Variants in CCNB3 observed in about 807,000 individuals in gnomAD.
CCNB3 encodes cyclin B3.
Under a neutral mutation model 68.0 loss-of-function variants are expected in CCNB3, and 12 were observed. The ratio of observed to expected loss-of-function variants is 0.18; its 90% CI spans 0.11 to 0.29. The LOEUF is 0.29. CCNB3 is among the 10% of genes least tolerant of loss of function. The pLI, the probability that CCNB3 is intolerant of heterozygous loss-of-function variation, is 1.00. For missense variants in CCNB3, 904 were observed against 993.1 expected, an observed-to-expected ratio of 0.91 and a Z score of 1.21; for synonymous variants, 354 against 388.9, an observed-to-expected ratio of 0.91 and a Z score of 1.06.
intron 1 of CCNB3, among the ~76,000 whole-genome samples, chrX:50,225,898 C>A (rs1033263110): frequency 2.0e-5 from 2 of 101,660 alleles, no homozygotes; most frequent in South Asian, 8.8e-4. Flanking sequence ...AGTTTAGGGC[C>A]AGCTTTTAGA....
At chrX:50,228,931 A>G (rs1336493978) in intron 1 of CCNB3, among the ~76,000 whole-genome samples, 24 of 55,361 alleles carry the variant, frequency 4.3e-4, no homozygotes, top group African/African-American at 1.7e-3. Context: ...AAATACATAT[A>G]AATATATGTA....
At chrX:50,279,612 A>G (rs2147010087) in intron 1 of CCNB3, among the ~76,000 whole-genome samples, 2 of 75,007 alleles carry the variant, frequency 2.7e-5, no homozygotes, top group Non-Finnish European at 5.5e-5. Flanking sequence ...GTATATGCAT[A>G]TGTACATTCA....
intron 1 of CCNB3, among the ~76,000 whole-genome samples, chrX:50,283,695 A>T (rs1028826046): frequency 4.5e-5 from 5 of 110,310 alleles, no homozygotes; most frequent in Admixed American, 9.8e-5. Context: ...CAACTAGGAC[A>T]TCCCTGAATT....
At chrX:50,226,111 AAT>A (rs1382972453) in intron 1 of CCNB3, among the ~76,000 whole-genome samples, 21 of 80,015 alleles carry the variant, frequency 2.6e-4, no homozygotes, top group African/African-American at 5.7e-4. Flanking sequence ...AATATGTATA[AAT>A]ATATATATAT....
At chrX:50,292,036 G>A (rs1298713338) in intron 4 of CCNB3, among the ~76,000 whole-genome samples, 1 of 111,411 alleles carries the variant, frequency 9.0e-6, no homozygotes, top group Non-Finnish European at 1.9e-5. Flanking sequence ...TTTGTCCCAC[G>A]TGCTTTCTCA....
intron 1 of CCNB3, among the ~76,000 whole-genome samples, chrX:50,222,151 A>G (rs1327205939): frequency 1.8e-5 from 2 of 110,947 alleles, no homozygotes; most frequent in Non-Finnish European, 3.8e-5. Flanking sequence ...TTTTGAGCCT[A>G]TGTGTGTCTC....
intron 1 of CCNB3, among the ~76,000 whole-genome samples, chrX:50,226,482 T>C (rs1362596192): frequency 1.3e-5 from 1 of 79,178 alleles, no homozygotes; most frequent in East Asian, 3.7e-4. Context: ...TATATAAATA[T>C]ATATAGAATA....
intron 5 of CCNB3, among the ~76,000 whole-genome samples, chrX:50,302,087 G>A (rs1936653802): frequency 8.9e-6 from 1 of 112,654 alleles, no homozygotes; most frequent in Admixed American, 9.3e-5. Context: ...CTTCCTGGGT[G>A]AGGTGATGCT....
chrX:50,312,543 C>T lies in CCNB3; in HGVS notation c.3334C>T (p.Pro1112Ser). 8.3e-7 allele frequency: 1 copy of T among 1,200,741 alleles called. No homozygotes were observed. The highest frequency in any genetic ancestry group is 1.1e-6 in the Non-Finnish European group (1 of 887,355). ...QAKGTPKEIT[P>S]REDIDEDSSD... Reference sequence around the variant, plus strand: ...TTTGGTGATTTCTAAGCAGATAACCCCACGGGAAGATATTGATGAGGACAG... The same window carrying T: ...TTTGGTGATTTCTAAGCAGATAACCTCACGGGAAGATATTGATGAGGACAG... The change falls in exon 7 of 13, where the codon CCA becomes TCA. Residue 1112 changes from proline to serine, a missense_variant. Coordinates refer to ENST00000376042, the MANE Select transcript of CCNB3 (RefSeq NM_033031.3).
chrX:50,318,415 AG>A (rs1186155650), intron 8 of CCNB3, among the ~76,000 whole-genome samples: 2 of 110,831 alleles, frequency 1.8e-5, no homozygotes, highest in South Asian at 3.9e-4. Flanking sequence ...CAGGAGGCTG[AG>A]GCAGGAGAAT....
At chrX:50,288,692 A>G (rs782570892) in intron 3 of CCNB3, 88 bp from the exon 4 acceptor site, 1 of 558,204 alleles carries the variant, frequency 1.8e-6, no homozygotes, top group Non-Finnish European at 3.0e-6. Flanking sequence ...GAGGTTCTGG[A>G]GTTCCCCTGA....
chrX:50,349,015 G>T (rs782065030), intron 11 of CCNB3, among the ~76,000 whole-genome samples: 1 of 112,846 alleles, frequency 8.9e-6, no homozygotes, highest in African/African-American at 3.2e-5. Context: ...CTAAACCAGG[G>T]CATATCAGCT....
rs1371956450 is a variant in CCNB3 at position 50,309,645 on chromosome X, G to A, written c.1476G>A (p.Lys492=). ...APPTKKPLIL[K]RKHATQGTMS... is the part of the protein sequence containing the mutation. ...CCACCAAGAAGCCTTTAATTTTAAA[G>A]AGGAAGCATGCCACTCAGGGGACAA... Residue 492 remains lysine (K), a synonymous_variant, in exon 6 of 13, where the codon AAG becomes AAA. Coordinates refer to ENST00000376042, the MANE Select transcript of CCNB3 (RefSeq NM_033031.3). 1.7e-6 allele frequency: 2 copies of A among 1,211,141 alleles called. No individual in the cohort carries two copies. The highest frequency in any genetic ancestry group is 3.0e-5 in the East Asian group (1 of 33,828).
chrX:50,308,771 A>G lies in CCNB3; in HGVS notation c.602A>G (p.Asp201Gly). ...CTACAGCCCCTGCAGGAGGAGAGTG[A>G]CAGTGATGATGCGTTTGTTATAGAG... ...EKLQPLQEES[D>G]SDDAFVIEPM... is the part of the protein sequence containing the mutation. The change falls in exon 6 of 13, where the codon GAC becomes GGC. Residue 201 changes from aspartate to glycine, a missense_variant. By Grantham distance (94) the Asp-to-Gly change is moderately conservative. Around this residue, in one of 2 missense-constraint regions of CCNB3, gnomAD observed 619 missense variants for 609.8 expected, o/e 1.02. Coordinates refer to ENST00000376042, the MANE Select transcript of CCNB3 (RefSeq NM_033031.3). 1 of 1,211,897 alleles carries G rather than the reference A, an allele frequency of 8.3e-7. No homozygotes were observed. Among genetic ancestry groups the G allele is most frequent in the Non-Finnish European group, 1.1e-6 (1 of 895,486 alleles).
Position 50,346,767 on chromosome X carries a change from A to G in CCNB3, c.3770A>G (p.Asn1257Ser). ...CTGAACGTCCTCAAATGTGACATTAACATTCCCATCGCCTACCATTTTCTG... is the reference window on the plus strand; with the variant it reads ...CTGAACGTCCTCAAATGTGACATTAGCATTCCCATCGCCTACCATTTTCTG... ...NILNVLKCDI[N>S]IPIAYHFLRR... Residue 1257 changes from asparagine to serine, a missense_variant, in exon 10 of 13, where the codon AAC becomes AGC. Physicochemically the swap from Asn to Ser is conservative, Grantham distance 46 (BLOSUM62 1). Coordinates refer to ENST00000376042, the MANE Select transcript of CCNB3 (RefSeq NM_033031.3). 8.3e-7 allele frequency: 1 copy of G among 1,211,741 alleles called. No individual in the cohort carries two copies. Among genetic ancestry groups the G allele is most frequent in the East Asian group, 3.0e-5 (1 of 33,855 alleles).
At chrX:50,216,853 CTGTG>C (rs1225678352) in intron 1 of CCNB3, among the ~76,000 whole-genome samples, 7 of 107,251 alleles carry the variant, frequency 6.5e-5, no homozygotes, top group Non-Finnish European at 9.7e-5. Flanking sequence ...GGGTATTACT[CTGTG>C]TGTGTGTGTG....
chrX:50,279,787 T>C (rs1936070779), intron 1 of CCNB3, among the ~76,000 whole-genome samples: 1 of 89,334 alleles, frequency 1.1e-5, no homozygotes, highest in African/African-American at 4.1e-5. Flanking sequence ...TTCATATATG[T>C]AAATATATAC....
chrX:50,326,640 A>C (rs2147082161), intron 8 of CCNB3, among the ~76,000 whole-genome samples: 1 of 111,066 alleles, frequency 9.0e-6, no homozygotes, highest in East Asian at 2.8e-4. Context: ...TGCTTAAATT[A>C]GTTCTTTTTT....
At chrX:50,331,780 C>G (rs1213409798) in intron 8 of CCNB3, among the ~76,000 whole-genome samples, 1 of 111,784 alleles carries the variant, frequency 8.9e-6, no homozygotes, top group African/African-American at 3.3e-5. Flanking sequence ...CGTTTGTAAA[C>G]TTCTCCTCGA....
Sources: allele counts gnomAD v4.1 joint callset (sites outside exome capture counted in the v4.1 genomes callset), GRCh38; gene constraint gnomAD v4.1.1; regional missense constraint gnomAD v4.1.1; transcripts MANE v1.5; gene names NCBI Gene and HGNC (gene_info 2026-07-23, HGNC 2026-07-21).